ASIC2: variants seen among roughly 807,000 people sequenced by gnomAD.
The protein encoded by ASIC2 is acid sensing ion channel subunit 2, also known as acid-sensing ion channel 2.
A neutral mutation model predicts 57.3 loss-of-function variants in ASIC2; 25 were observed. The ratio of observed to expected loss-of-function variants is 0.44; its 90% confidence interval spans 0.32 to 0.61. The LOEUF (loss-of-function observed/expected upper bound fraction) is 0.61. Ranked by LOEUF, ASIC2 falls within the 20% of genes least tolerant of loss-of-function variation. The pLI is 0.06. For missense variants in ASIC2, 641 were observed against 738.1 expected, an observed-to-expected ratio of 0.87 and a Z score of 1.52; for synonymous variants, 319 against 307.5, an observed-to-expected ratio of 1.04 and a Z score of -0.39.
intron 1 of ASIC2, among the ~76,000 whole-genome samples, chr17:33,696,630 A>G (rs966740274): frequency 1.3e-5 from 2 of 152,184 alleles, no homozygotes; most frequent in Non-Finnish European, 2.9e-5. Flanking sequence ...ACTCTTGAAC[A>G]ATGCAGAGTT....
intron 1 of ASIC2, among the ~76,000 whole-genome samples, chr17:33,856,987 G>T (rs1913974083): frequency 6.6e-6 from 1 of 152,072 alleles, no homozygotes; most frequent in Non-Finnish European, 1.5e-5. Flanking sequence ...TGGCACCCAA[G>T]GGGACCCCAC....
intron 1 of ASIC2, among the ~76,000 whole-genome samples, chr17:33,577,425 G>C (rs895746101): frequency 2.0e-5 from 3 of 152,174 alleles, no homozygotes; most frequent in Non-Finnish European, 4.4e-5. Context: ...GAGCAGGGCA[G>C]CCTGACATGG....
intron 1 of ASIC2, among the ~76,000 whole-genome samples, chr17:33,438,944 A>C (rs1043737034): frequency 2.6e-5 from 4 of 151,920 alleles, no homozygotes; most frequent in Non-Finnish European, 4.4e-5. Context: ...CTGGTGCTCA[A>C]AAAATCCTCC....
At chr17:33,235,918 C>T (rs960142877) in intron 1 of ASIC2, among the ~76,000 whole-genome samples, 6 of 151,598 alleles carry the variant, frequency 4.0e-5, no homozygotes, top group Non-Finnish European at 7.4e-5. Flanking sequence ...CTCACTGCGA[C>T]CTCCTCCTCC....
Position 33,776,901 on chromosome 17 carries a change from G to C in ASIC2, c.555+379077C>G, listed in dbSNP as rs59775998. On this transcript the variant is annotated intron_variant, in intron 1 of 9. Transcript: ENST00000359872. The stretch of plus-strand genomic sequence containing the variant: ...ATGGCCATTGCCACTGGCTTAGTGT[G>C]GCCCTTACATCTTTCGCTGGGTGAC... Among the ~76,000 whole-genome samples the C allele has an allele frequency of 1.5e-3, 236 of 152,326 alleles. 3 individuals carry two copies. The highest frequency in any genetic ancestry group is 5.5e-3 in the African/African-American group (230 of 41,568).
At chr17:34,046,452 T>G (rs76373593) in intron 1 of ASIC2, among the ~76,000 whole-genome samples, 1 of 152,220 alleles carries the variant, frequency 6.6e-6, no homozygotes, top group East Asian at 1.9e-4. Context: ...TAAAAAGACA[T>G]TTCATTTTCA....
At chr17:33,694,449 C>T (rs1355274126) in intron 1 of ASIC2, among the ~76,000 whole-genome samples, 2 of 152,180 alleles carry the variant, frequency 1.3e-5, no homozygotes, top group South Asian at 2.1e-4. Flanking sequence ...TGTGATTTCC[C>T]ACAAGTGTTA....
intron 1 of ASIC2, among the ~76,000 whole-genome samples, chr17:34,036,483 T>C (rs900013151): frequency 6.6e-6 from 1 of 151,408 alleles, no homozygotes; most frequent in Admixed American, 6.6e-5. Context: ...GTAACAAACC[T>C]GCACGTTGTG....
chr17:33,980,585 T>A (rs1345905700), intron 1 of ASIC2, among the ~76,000 whole-genome samples: 1 of 152,180 alleles, frequency 6.6e-6, no homozygotes, highest in Non-Finnish European at 1.5e-5. Flanking sequence ...GTGGATGCTG[T>A]GATGTGCTTC....
chr17:33,073,289 C>T (rs1201124464), intron 3 of ASIC2, among the ~76,000 whole-genome samples: 2 of 152,202 alleles, frequency 1.3e-5, no homozygotes, highest in African/African-American at 2.4e-5. Flanking sequence ...GAAATGAATT[C>T]TCTTTAATCA....
At chr17:33,871,747 G>A (rs1030339600) in intron 1 of ASIC2, among the ~76,000 whole-genome samples, 1 of 152,150 alleles carries the variant, frequency 6.6e-6, no homozygotes, top group East Asian at 1.9e-4. Context: ...ACCGGAAAGA[G>A]GGAGGCTGAT....
chr17:33,986,354 G>A (rs1000610372), intron 1 of ASIC2, among the ~76,000 whole-genome samples: 7 of 151,700 alleles, frequency 4.6e-5, no homozygotes, highest in African/African-American at 1.7e-4. Flanking sequence ...ATTCTCCAAA[G>A]GCTTTTCACT....
At chr17:33,594,744 C>T (rs946631605) in intron 1 of ASIC2, among the ~76,000 whole-genome samples, 24 of 151,468 alleles carry the variant, frequency 1.6e-4, no homozygotes, top group Admixed American at 3.9e-4. Flanking sequence ...AGGAGAATGA[C>T]GTGAACCCGG....
At chr17:34,121,781 C>T (rs1911627516) in intron 1 of ASIC2, among the ~76,000 whole-genome samples, 1 of 152,246 alleles carries the variant, frequency 6.6e-6, no homozygotes, top group Non-Finnish European at 1.5e-5. Context: ...TACTAAAATA[C>T]TCCAACATCA....
chr17:33,817,849 C>A (rs1268776392), intron 1 of ASIC2, among the ~76,000 whole-genome samples: 3 of 152,194 alleles, frequency 2.0e-5, no homozygotes, highest in African/African-American at 7.2e-5. Context: ...GGCTAGAGTT[C>A]TCCAATGCCT....
chr17:34,111,174 G>A (rs1370875744), intron 1 of ASIC2, among the ~76,000 whole-genome samples: 4 of 151,448 alleles, frequency 2.6e-5, no homozygotes, highest in Non-Finnish European at 4.4e-5. Context: ...TGCAGTGAGC[G>A]GAGATCATGC....
chr17:33,199,925 C>T (rs1906788216), intron 1 of ASIC2, among the ~76,000 whole-genome samples: 1 of 152,146 alleles, frequency 6.6e-6, no homozygotes, highest in South Asian at 2.1e-4. Context: ...CTGTCTCCTG[C>T]CTCCTTGCGT....
intron 1 of ASIC2, among the ~76,000 whole-genome samples, chr17:33,515,834 G>C (rs1334402297): frequency 6.6e-6 from 1 of 152,180 alleles, no homozygotes; most frequent in African/African-American, 2.4e-5. Flanking sequence ...GGTGGCTCAC[G>C]CCTGTAATCC....
intron 1 of ASIC2, among the ~76,000 whole-genome samples, chr17:34,084,323 T>G (rs575067785): frequency 6.6e-6 from 1 of 152,382 alleles, no homozygotes; most frequent in South Asian, 2.1e-4. Flanking sequence ...ATTGCTTGTT[T>G]CTGTCAGGTT....
Sources: allele counts gnomAD v4.1 joint callset (sites outside exome capture counted in the v4.1 genomes callset), GRCh38; gene constraint gnomAD v4.1.1; transcripts MANE v1.5; gene names NCBI Gene and HGNC (gene_info 2026-07-23, HGNC 2026-07-21).